NPFF: variants seen among roughly 807,000 people sequenced by gnomAD.
NPFF encodes pro-FMRFamide-related neuropeptide FF.
Under a neutral mutation model 12.9 loss-of-function variants are expected in NPFF, and 14 were observed. The ratio of observed to expected loss-of-function variants is 1.09; its 90% confidence interval spans 0.72 to 1.70. The LOEUF (loss-of-function observed/expected upper bound fraction) is 1.70, where lower values mean the gene tolerates loss of function less well. NPFF is among the 40% of genes most tolerant of loss of function. NPFF has a pLI of 0.00. For missense variants in NPFF, 140 were observed against 135.7 expected (o/e 1.03, Z -0.16); for synonymous variants, 56 against 57.3 (o/e 0.98, Z 0.10).
Position 53,506,837 on chromosome 12 carries a change from C to G in NPFF, c.281G>C (p.Gly94Ala), listed in dbSNP as rs1944010751. Residue 94 changes from glycine to alanine, a missense_variant, in exon 3 of 3, where the codon GGA (glycine) becomes GCA (alanine). Gly to Ala is a moderately conservative substitution (Grantham distance 60, BLOSUM62 0). Transcript: ENST00000267017. The part of the protein sequence containing the change: ...WRNEWLSPRA[G>A]EGLNSQFWSL... ...CCAGAACTGGGAATTCAGCCCCTCT[C>G]CAGCCCGGGGACTCAGCCATTCATT... The G allele has an allele frequency of 1.9e-6, 3 of 1,603,358 alleles. No homozygotes were observed. The highest frequency in any genetic ancestry group is 2.7e-5 in the African/African-American group (2 of 74,540).
rs771022584 is a variant in NPFF, at chr12:53,506,872, T to A, written c.246A>T (p.Gly82=). 2.5e-6 allele frequency: 4 copies of A among 1,599,538 alleles called. No homozygotes were observed. In the African/African-American group the frequency reaches 5.4e-5, roughly 21 times the overall value. Residue 82 remains glycine (G), a synonymous_variant, in exon 3 of 3, where the codon GGA becomes GGT. Coordinates refer to ENST00000267017, the MANE Select transcript of NPFF (RefSeq NM_003717.4). ...GACTCAGCCATTCATTCCTCCAGGA[T>A]CCCTGGGTATTTCTGCCAAACCTTA... ...QPQRFGRNTQ[G]SWRNEWLSPR... is the part of the protein sequence containing the mutation.
At position 53,506,875 on chromosome 12, in the gene NPFF, C is replaced by T; in HGVS notation, c.243G>A (p.Gln81=). Reference sequence around the variant, plus strand: ...TCAGCCATTCATTCCTCCAGGATCCCTGGGTATTTCTGCCAAACCTTAGGA... The same window carrying T: ...TCAGCCATTCATTCCTCCAGGATCCTTGGGTATTTCTGCCAAACCTTAGGA... ...FQPQRFGRNT[Q]GSWRNEWLSP... Residue 81 remains glutamine, a synonymous_variant, in exon 3 of 3, where the codon CAG becomes CAA. Coordinates refer to ENST00000267017, the MANE Select transcript of NPFF (RefSeq NM_003717.4). 6.3e-7 allele frequency: 1 copy of T among 1,596,266 alleles called. No individual in the cohort carries two copies. The highest frequency in any genetic ancestry group is 2.2e-5 in the East Asian group (1 of 44,770).
At position 53,506,766 on chromosome 12, in the gene NPFF, G is replaced by T; in HGVS notation, c.*10C>A. ...GGACCTTGCATGCAGACATATCAAG[G>T]GATGACATGTCACTTCTTCCCAAAG... is the stretch of plus-strand genomic sequence containing the variant. On this transcript the variant is annotated 3_prime_UTR_variant, in exon 3 of 3. Coordinates refer to ENST00000267017, the MANE Select transcript of NPFF (RefSeq NM_003717.4). The T allele has an allele frequency of 6.6e-7, 1 of 1,516,180 alleles. No homozygotes were observed. The highest frequency in any genetic ancestry group is 1.3e-5 in the South Asian group (1 of 77,576). The allele number at this position is 1,516,180 out of a possible 1,614,324, so 93.9% of individuals were successfully genotyped here. A position where few individuals can be genotyped will look rare whatever the true frequency, so the allele number is the denominator to read the frequency against.
Position 53,507,004 on chromosome 12 carries a change from G to C in NPFF, c.224+17C>G. On this transcript the variant is annotated intron_variant, in intron 2 of 2. Coordinates refer to ENST00000267017, the MANE Select transcript of NPFF (RefSeq NM_003717.4). ...CACCCCCAGCCCCTGCCATGCTTGT[G>C]TCCCTTTCAGACTCACCTCTGGGGC... 2 of 1,611,708 alleles carry C rather than the reference G, an allele frequency of 1.2e-6. No homozygotes were observed. Among genetic ancestry groups the C allele is most frequent in the East Asian group, 2.2e-5 (1 of 44,838 alleles).
chr12:53,507,320 A>G, intron 1 of NPFF, 53 bp downstream of exon 1: 1 of 1,610,880 alleles, frequency 6.2e-7, no homozygotes, highest in South Asian at 1.1e-5. Context: ...CTAGAGCACA[A>G]GTCTCAACCG....
chr12:53,507,120 G>C lies in NPFF; in HGVS notation c.125C>G (p.Pro42Arg). 6.2e-7 allele frequency: 1 copy of C among 1,614,050 alleles called. No homozygotes were observed. Among genetic ancestry groups the C allele is most frequent in the Non-Finnish European group, 8.5e-7 (1 of 1,179,996 alleles). The change falls in exon 2 of 3, where the codon CCA becomes CGA. Residue 42 changes from proline (P) to arginine (R), a missense_variant. By Grantham distance (103) the Pro-to-Arg change is moderately radical (BLOSUM62 -2). Coordinates refer to ENST00000267017, the MANE Select transcript of NPFF (RefSeq NM_003717.4). ...CCCAGAGGTCTGGGCATCCTGTGGTGGGAGGGGTTCGCTGTCTTCCTCCTG... is the reference window on the plus strand; with the variant it reads ...CCCAGAGGTCTGGGCATCCTGTGGTCGGAGGGGTTCGCTGTCTTCCTCCTG... ...LSAEEDSEPL[P>R]PQDAQTSGSL...
In NPFF at chr12:53,507,086, C is replaced by G; in HGVS notation, c.159G>C (p.Leu53Phe). Reference protein sequence around the residue: ...PQDAQTSGSLLHYLLQAMERP... With the variant: ...PQDAQTSGSLFHYLLQAMERP... ...TCTCCATTGCCTGGAGCAGGTAGTG[C>G]AACAGTGACCCAGAGGTCTGGGCAT... Residue 53 changes from leucine (L) to phenylalanine (F), a missense_variant, in exon 2 of 3, where the codon TTG (leucine) becomes TTC (phenylalanine). By Grantham distance (22) the Leu-to-Phe change is conservative. Transcript: ENST00000267017. The G allele has an allele frequency of 1.9e-6, 3 of 1,614,090 alleles. No homozygotes were observed. Among genetic ancestry groups the G allele is most frequent in the Non-Finnish European group, 2.5e-6 (3 of 1,180,022 alleles).
chr12:53,506,906 T>G lies in NPFF; in HGVS notation c.225-13A>C. 1.3e-6 allele frequency: 2 copies of G among 1,581,742 alleles called. No individual in the cohort carries two copies. Among genetic ancestry groups the G allele is most frequent in the Non-Finnish European group, 1.7e-6 (2 of 1,162,382 alleles). ...ATTTCTGCCAAACCTTAGGAAAGAT[T>G]TGTCCTCAGGTCCCCGCAGTCTCCC... On this transcript the variant is annotated splice_polypyrimidine_tract_variant and intron_variant, in intron 2 of 2. Transcript: ENST00000267017.
chr12:53,506,842 CCGGGGA>C lies in NPFF; in HGVS notation c.270_275del (p.Ser90_Pro91del). 1 of 1,604,310 alleles carries C rather than the reference CCGGGGA, an allele frequency of 6.2e-7. No individual in the cohort carries two copies. The highest frequency in any genetic ancestry group is 8.5e-7 in the Non-Finnish European group (1 of 1,175,334). ...ACTGGGAATTCAGCCCCTCTCCAGC[CCGGGGA>C]CTCAGCCATTCATTCCTCCAGGATC... On this transcript the variant is annotated inframe_deletion, in exon 3 of 3. Coordinates refer to ENST00000267017, the MANE Select transcript of NPFF (RefSeq NM_003717.4).
intron 1 of NPFF, 84 bp from the exon 2 acceptor site, chr12:53,507,226 G>A (rs746574055): frequency 2.5e-6 from 4 of 1,585,640 alleles, no homozygotes; most frequent in Middle Eastern, 1.7e-4. Context: ...GGCTTCCAGG[G>A]GCAAGTGGTA....
rs1212962927 is a variant in NPFF, at chr12:53,507,080, G to T, written c.165C>A (p.Tyr55Ter). 6.2e-7 allele frequency: 1 copy of T among 1,614,136 alleles called. No homozygotes were observed. The highest frequency in any genetic ancestry group is 1.1e-5 in the South Asian group (1 of 91,078). Residue 55 changes from tyrosine to a stop codon, truncating the protein, a stop_gained, in exon 2 of 3, where the codon TAC (tyrosine) becomes TAA (stop). Coordinates refer to ENST00000267017, the MANE Select transcript of NPFF (RefSeq NM_003717.4). LOFTEE classifies it high-confidence loss of function. The stretch of plus-strand genomic sequence containing the variant: ...CAGGTCTCTCCATTGCCTGGAGCAG[G>T]TAGTGCAACAGTGACCCAGAGGTCT... ...DAQTSGSLLH[Y>*]LLQAMERPGR...
At chr12:53,507,280 A>T in intron 1 of NPFF, 93 bp downstream of exon 1, 1 of 1,596,560 alleles carries the variant, frequency 6.3e-7, no homozygotes, top group Non-Finnish European at 8.6e-7. Context: ...ACCTAATGAC[A>T]ACCTTGGCAG....
At chr12:53,507,294 G>T in intron 1 of NPFF, 79 bp downstream of exon 1, 1 of 1,601,030 alleles carries the variant, frequency 6.2e-7, no homozygotes. Context: ...TTGGCAGCCA[G>T]AGAAAGTATC....
rs145475447 is a variant in NPFF, at chr12:53,506,793, G to T, written c.325C>A (p.Arg109Ser). Residue 109 changes from arginine to serine, a missense_variant, in exon 3 of 3, where the codon CGC becomes AGC. By Grantham distance (110) the Arg-to-Ser change is moderately radical. Coordinates refer to ENST00000267017, the MANE Select transcript of NPFF (RefSeq NM_003717.4). The stretch of plus-strand genomic sequence containing the variant: ...ATGACATGTCACTTCTTCCCAAAGC[G>T]TTGAGGGGCAGCCAGGCTCCAGAAC... ...SQFWSLAAPQ[R>S]FGKK is the part of the protein sequence containing the mutation. 1.2e-5 allele frequency: 19 copies of T among 1,574,320 alleles called. No homozygotes were observed. The highest frequency in any genetic ancestry group is 1.6e-5 in the Non-Finnish European group (19 of 1,160,580).
rs750942828 is a variant in NPFF, at chr12:53,507,264, G to A, written c.102+109C>T. On this transcript the variant is annotated intron_variant, in intron 1 of 2. Coordinates refer to ENST00000267017, the MANE Select transcript of NPFF (RefSeq NM_003717.4). ...AGGCTGCGGAACCATTTCCTCAGAT[G>A]TGAGGACCTAATGACAACCTTGGCA... 6 of 1,590,946 alleles carry A rather than the reference G, an allele frequency of 3.8e-6. No homozygotes were observed. In the South Asian group the frequency reaches 4.5e-5, roughly 12 times the overall value.
At chr12:53,507,325 C>T (rs1299857339) in intron 1 of NPFF, 48 bp downstream of exon 1, 19 of 1,611,658 alleles carry the variant, frequency 1.2e-5, no homozygotes, top group Non-Finnish European at 1.3e-5. Context: ...GCACAAGTCT[C>T]AACCGAAGTA....
chr12:53,507,482 C>G lies in NPFF; in HGVS notation c.-8G>C, dbSNP rs1245770142. 1.9e-6 allele frequency: 3 copies of G among 1,611,260 alleles called. No homozygotes were observed. Among genetic ancestry groups the G allele is most frequent in the Non-Finnish European group, 2.5e-6 (3 of 1,179,578 alleles). On this transcript the variant is annotated 5_prime_UTR_variant, in exon 1 of 3. Coordinates refer to ENST00000267017, the MANE Select transcript of NPFF (RefSeq NM_003717.4). ...AGCCTGCCTAGAATCCATGCTGCCACCTACCCTCCTACAGCCACCCCAACC... is the reference window on the plus strand; with the variant it reads ...AGCCTGCCTAGAATCCATGCTGCCAGCTACCCTCCTACAGCCACCCCAACC...
Position 53,506,821 on chromosome 12 carries a change from G to C in NPFF, c.297C>G (p.Ser99=), listed in dbSNP as rs1944010002. 1 of 1,598,822 alleles carries C rather than the reference G, an allele frequency of 6.3e-7. No homozygotes were observed. Among genetic ancestry groups the C allele is most frequent in the Non-Finnish European group, 8.5e-7 (1 of 1,172,808 alleles). The change falls in exon 3 of 3, where the codon TCC becomes TCG. Residue 99 remains serine, a synonymous_variant. Coordinates refer to ENST00000267017, the MANE Select transcript of NPFF (RefSeq NM_003717.4). ...LSPRAGEGLN[S]QFWSLAAPQR... ...GAGGGGCAGCCAGGCTCCAGAACTGGGAATTCAGCCCCTCTCCAGCCCGGG... is the reference window on the plus strand; with the variant it reads ...GAGGGGCAGCCAGGCTCCAGAACTGCGAATTCAGCCCCTCTCCAGCCCGGG...
Position 53,507,386 on chromosome 12 carries a change from T to C in NPFF, c.89A>G (p.Asp30Gly), listed in dbSNP as rs1410389686. 2.5e-6 allele frequency: 4 copies of C among 1,613,944 alleles called. No homozygotes were observed. The highest frequency in any genetic ancestry group is 3.4e-6 in the Non-Finnish European group (4 of 1,179,998). Residue 30 changes from aspartate (D) to glycine (G), a missense_variant, in exon 1 of 3, where the codon GAC becomes GGC. Transcript: ENST00000267017. ...ACACACACTCACCGCGGAGAGCTGG[T>C]CTTCCTGCTGGCCTCCTGGCCCTTC... Reference protein sequence around the residue: ...CAEGPGGQQEDQLSAEEDSEP... With the variant: ...CAEGPGGQQEGQLSAEEDSEP...
Sources: allele counts gnomAD v4.1 joint callset, GRCh38; gene constraint gnomAD v4.1.1; transcripts MANE v1.5; gene names NCBI Gene and HGNC (gene_info 2026-07-23, HGNC 2026-07-21).